The following IL1RAPL2 variants were observed in gnomAD, a reference collection of about 807,000 sequenced individuals.
IL1RAPL2 encodes X-linked interleukin-1 receptor accessory protein-like 2.
In IL1RAPL2, 3 loss-of-function variants were observed where a neutral mutation model predicts 44.1. The observed-to-expected ratio is 0.07, with a 90% confidence interval of 0.03 to 0.18. The LOEUF (loss-of-function observed/expected upper bound fraction) is 0.18. IL1RAPL2 is among the 10% of genes least tolerant of loss of function. The probability of loss-of-function intolerance (pLI) is 1.00; values close to 1 mark genes in which losing one functional copy is unlikely to be tolerated. For missense variants in IL1RAPL2, 391 were observed against 496.4 expected, an observed-to-expected ratio of 0.79 and a Z score of 2.02; for synonymous variants, 181 against 178.8, an observed-to-expected ratio of 1.01 and a Z score of -0.10.
chrX:105,079,448 G>A (rs889596802), intron 2 of IL1RAPL2, among the ~76,000 whole-genome samples: 4 of 108,949 alleles, frequency 3.7e-5, no homozygotes, highest in East Asian at 3.0e-4. Flanking sequence ...GACTGGCCAC[G>A]TTTTCTTTAT....
intron 5 of IL1RAPL2, among the ~76,000 whole-genome samples, chrX:105,363,308 AATATATATAT>A (rs1219827978): frequency 1.5e-5 from 1 of 68,569 alleles, no homozygotes. Flanking sequence ...ATATATATAT[AATATATATAT>A]ATATATATAT....
chrX:105,767,743 T>A lies in IL1RAPL2; in HGVS notation c.*82T>A, dbSNP rs943368806. ...CAAGCATAAAGTACACCTAATAACG[T>A]TGTGTTAAAAAAGTGTTTGAAGAAA... On this transcript the variant is annotated 3_prime_UTR_variant, in exon 11 of 11. Coordinates refer to ENST00000372582, the MANE Select transcript of IL1RAPL2 (RefSeq NM_017416.2). 5.6e-6 allele frequency: 4 copies of A among 715,529 alleles called. No individual in the cohort carries two copies. The East Asian group carries it at 9.7e-5, about 17-fold the overall frequency. 59.0% of individuals were successfully genotyped at this position (715,529 alleles called of 1,213,427 possible). A position where few individuals can be genotyped will look rare whatever the true frequency, so the allele number is the denominator to read the frequency against.
At chrX:104,883,955 C>A (rs1212554135) in intron 2 of IL1RAPL2, among the ~76,000 whole-genome samples, 1 of 111,901 alleles carries the variant, frequency 8.9e-6, no homozygotes, top group Non-Finnish European at 1.9e-5. Flanking sequence ...TGGCCCTCCA[C>A]TTCATTTTTG....
At chrX:105,032,459 TA>T (rs1391749471) in intron 2 of IL1RAPL2, among the ~76,000 whole-genome samples, 2 of 111,216 alleles carry the variant, frequency 1.8e-5, no homozygotes, top group Non-Finnish European at 3.8e-5. Flanking sequence ...AGAACATCTT[TA>T]TTTCTGCCTT....
At chrX:104,961,102 G>A (rs1172691886) in intron 2 of IL1RAPL2, among the ~76,000 whole-genome samples, 2 of 111,485 alleles carry the variant, frequency 1.8e-5, no homozygotes, top group African/African-American at 6.5e-5. Context: ...ACAGACAGAA[G>A]AGTAGGTGTG....
At chrX:105,173,042 G>A (rs767205445) in intron 2 of IL1RAPL2, among the ~76,000 whole-genome samples, 2 of 110,838 alleles carry the variant, frequency 1.8e-5, no homozygotes, top group South Asian at 7.9e-4. Context: ...GGTGATGTTG[G>A]GCCTCAGAAA....
rs191287068 is a variant in IL1RAPL2, at chrX:105,405,980, T to C, written c.698-78333T>C. ...CATTTATTGATCCTCAGACAGATTC[T>C]AAGCCTCCTGAGGGATTGTTAGGAT... On this transcript the variant is annotated intron_variant, in intron 5 of 10. Transcript: ENST00000372582. 22 of 1,202,144 alleles carry C rather than the reference T, an allele frequency of 1.8e-5. No individual in the cohort carries two copies. In the Admixed American group the frequency reaches 4.8e-4, roughly 26 times the overall value.
rs1378141550 is a variant in IL1RAPL2, at chrX:104,864,403, C to T, written c.82+205408C>T. 7.1e-5 allele frequency among the ~76,000 whole-genome samples: 8 copies of T among 112,246 alleles called. No individual in the cohort carries two copies. The East Asian group carries it at 2.3e-3, about 32-fold the overall frequency. On this transcript the variant is annotated intron_variant, in intron 2 of 10. Coordinates refer to ENST00000372582, the MANE Select transcript of IL1RAPL2 (RefSeq NM_017416.2). ...AGATAGCAAGGCAGGAGGAAAGTGGCAGAGAAACTGTTTAAGTTGGGAAAA... is the reference window on the plus strand; with the variant it reads ...AGATAGCAAGGCAGGAGGAAAGTGGTAGAGAAACTGTTTAAGTTGGGAAAA...
chrX:104,938,418 T>A (rs750959057), intron 2 of IL1RAPL2, among the ~76,000 whole-genome samples: 10 of 111,920 alleles, frequency 8.9e-5, no homozygotes, highest in Non-Finnish European at 1.7e-4. Flanking sequence ...AATTAGAGTT[T>A]TCTTCAAGAT....
At chrX:105,542,664 T>A (rs890295317) in intron 6 of IL1RAPL2, among the ~76,000 whole-genome samples, 2 of 102,343 alleles carry the variant, frequency 2.0e-5, no homozygotes, top group Non-Finnish European at 1.9e-5. Flanking sequence ...ATAAAATAGA[T>A]TCTCTTTTTT....
chrX:105,114,618 T>C (rs7066121), intron 2 of IL1RAPL2, among the ~76,000 whole-genome samples: 9,610 of 111,613 alleles, frequency 0.086, 1,017 homozygotes, highest in African/African-American at 0.3. Context: ...GACAGAACTG[T>C]GCAACTGTGG....
chrX:104,797,078 C>A (rs1932853466), intron 2 of IL1RAPL2, among the ~76,000 whole-genome samples: 1 of 107,892 alleles, frequency 9.3e-6, no homozygotes, highest in Non-Finnish European at 1.9e-5. Context: ...TGGCATTGTT[C>A]TTCCCATTTC....
chrX:104,828,864 C>A (rs963285867), intron 2 of IL1RAPL2, among the ~76,000 whole-genome samples: 1 of 112,758 alleles, frequency 8.9e-6, no homozygotes, highest in African/African-American at 3.2e-5. Flanking sequence ...CTGACTACAG[C>A]GGCTTTGCAG....
At chrX:104,973,106 G>C (rs1334606387) in intron 2 of IL1RAPL2, among the ~76,000 whole-genome samples, 1 of 112,046 alleles carries the variant, frequency 8.9e-6, no homozygotes, top group African/African-American at 3.2e-5. Flanking sequence ...GTAAGACTAA[G>C]TCTTGTGAGA....
At chrX:105,572,500 T>G (rs776908789) in intron 6 of IL1RAPL2, among the ~76,000 whole-genome samples, 1 of 112,091 alleles carries the variant, frequency 8.9e-6, no homozygotes, top group East Asian at 2.8e-4. Context: ...TAACTTATTT[T>G]AAGTAAACTC....
chrX:105,557,964 A>T (rs1425062913), intron 6 of IL1RAPL2, among the ~76,000 whole-genome samples: 1 of 111,254 alleles, frequency 9.0e-6, no homozygotes, highest in Non-Finnish European at 1.9e-5. Flanking sequence ...TTTATATTTT[A>T]TTTAATACAT....
chrX:105,665,734 G>GT (rs751379332), intron 6 of IL1RAPL2, among the ~76,000 whole-genome samples: 33 of 62,443 alleles, frequency 5.3e-4, no homozygotes, highest in African/African-American at 1.5e-3. Flanking sequence ...TTGTTTTTTT[G>GT]TTTTTTTGTT....
At chrX:105,149,851 T>C (rs1305464265) in intron 2 of IL1RAPL2, among the ~76,000 whole-genome samples, 1 of 109,667 alleles carries the variant, frequency 9.1e-6, no homozygotes, top group East Asian at 2.8e-4. Flanking sequence ...AATAAATAAA[T>C]AAATAAATAA....
chrX:104,669,256 G>A (rs1239684938), intron 2 of IL1RAPL2, among the ~76,000 whole-genome samples: 1 of 111,396 alleles, frequency 9.0e-6, no homozygotes, highest in African/African-American at 3.3e-5. Flanking sequence ...AATCCAGACT[G>A]ATACACTGAA....
Sources: gnomAD v4.1 joint callset for allele counts (sites outside exome capture counted in the v4.1 genomes callset) on GRCh38, gnomAD v4.1.1 for gene constraint, MANE v1.5 for transcripts, NCBI Gene and HGNC (gene_info 2026-07-23, HGNC 2026-07-21) for gene names.